The following ABCC1 variants were observed in gnomAD, a reference collection of about 807,000 sequenced individuals.
ABCC1 encodes the protein multidrug resistance-associated protein 1.
A neutral mutation model predicts 172.9 loss-of-function variants in ABCC1; 83 were observed. The observed-to-expected ratio is 0.48, with a 90% CI of 0.40 to 0.58. The LOEUF (loss-of-function observed/expected upper bound fraction) is 0.58, where lower values mean the gene tolerates loss of function less well. ABCC1 is among the 20% of genes least tolerant of loss of function. ABCC1 has a pLI of 0.00. For missense variants in ABCC1, 1,817 were observed against 2,002.7 expected, an observed-to-expected ratio of 0.91 and a Z score of 1.77; for synonymous variants, 937 against 825.2, an observed-to-expected ratio of 1.14 and a Z score of -2.32.
At position 16,068,156 on chromosome 16, in the gene ABCC1, G is replaced by A; in HGVS notation, c.1678G>A (p.Val560Met). 1.2e-6 allele frequency: 2 copies of A among 1,614,050 alleles called. No individual in the cohort carries two copies. Among genetic ancestry groups the A allele is most frequent in the Non-Finnish European group, 1.7e-6 (2 of 1,180,020 alleles). The change falls in exon 13 of 31, where the codon GTG becomes ATG. Residue 560 changes from valine (V) to methionine (M), a missense_variant and splice_region_variant. This residue lies in a region of ABCC1 where 1,412 missense variants were observed against 1,600.3 expected (regional missense o/e 0.88). Transcript: ENST00000399410. Reference protein sequence around the residue: ...TFTWVCTPFLVALCTFAVYVT... With the variant: ...TFTWVCTPFLMALCTFAVYVT... ...TCAGCACTGGGCGTTCTGCTTGCAG[G>A]TGGCCTTGTGCACATTTGCCGTCTA...
At position 16,056,309 on chromosome 16, in the gene ABCC1, C is replaced by G; in HGVS notation, c.1677+14C>G. 1 of 1,613,908 alleles carries G rather than the reference C, an allele frequency of 6.2e-7. No homozygotes were observed. The highest frequency in any genetic ancestry group is 8.5e-7 in the Non-Finnish European group (1 of 1,179,834). On this transcript the variant is annotated intron_variant, in intron 12 of 30. Transcript: ENST00000399410. ...ACGCCCTTTCTGGTGAGTGAAGCCA[C>G]ATTTTTCCTGGCCCTCATTGTTTGA...
chr16:16,055,411 G>C (rs867140963), intron 11 of ABCC1, among the ~76,000 whole-genome samples: 5 of 151,984 alleles, frequency 3.3e-5, no homozygotes, highest in African/African-American at 4.8e-5. Flanking sequence ...TTAGCCAGGC[G>C]TGGTGGCAGG....
intron 21 of ABCC1, among the ~76,000 whole-genome samples, chr16:16,107,480 G>A (rs370816158): frequency 6.6e-6 from 1 of 152,082 alleles, no homozygotes; most frequent in East Asian, 1.9e-4. Flanking sequence ...AGTAGAGACA[G>A]GGTTTCACCA....
rs1489685428 is a variant in ABCC1, at chr16:16,056,080, G to A, written c.1474-12G>A. 11 of 1,613,158 alleles carry A rather than the reference G, an allele frequency of 6.8e-6. No individual in the cohort carries two copies. In the East Asian group the frequency reaches 1.8e-4, roughly 26 times the overall value. ...GTCGCCCCAGATGTGTTGACTGCCC[G>A]TCTCTTCCAAGGTGGCCCACATGAA... is the stretch of plus-strand genomic sequence containing the variant. On this transcript the variant is annotated splice_polypyrimidine_tract_variant and intron_variant, in intron 11 of 30. Transcript: ENST00000399410.
rs60782127 is a variant in ABCC1 at position 16,048,222 on chromosome 16, G to T, written c.1299G>T (p.Arg433Ser). Residue 433 changes from arginine (R) to serine (S), a missense_variant, in exon 10 of 31, where the codon AGG becomes AGT. Physicochemically the swap from Arg to Ser is moderately radical, Grantham distance 110 (BLOSUM62 -1). Around this residue, in one of 3 missense-constraint regions of ABCC1, gnomAD observed 1,412 missense variants for 1,600.3 expected, o/e 0.88. Coordinates refer to ENST00000399410, the MANE Select transcript of ABCC1 (RefSeq NM_004996.4). ...ACCTCATGTCTGTGGACGCTCAGAG[G>T]TTCATGGACTTGGCCACGTACATTA... ...IVNLMSVDAQRFMDLATYINM... is the reference protein window; with the variant it reads ...IVNLMSVDAQSFMDLATYINM... 0.011 allele frequency: 18,268 copies of T among 1,614,196 alleles called. 139 individuals are homozygous for T. Among genetic ancestry groups the T allele is most frequent in the Non-Finnish European group, 0.013 (15,922 of 1,180,036 alleles).
chr16:16,060,387 C>T (rs549170058), intron 12 of ABCC1, among the ~76,000 whole-genome samples: 59 of 152,284 alleles, frequency 3.9e-4, no homozygotes, highest in Middle Eastern at 3.4e-3. Flanking sequence ...CAAGAAATGA[C>T]ATCTTGTTGC....
In ABCC1 at chr16:16,016,553, C is replaced by A; in HGVS notation, c.547C>A (p.Leu183Ile). 1 of 1,614,138 alleles carries A rather than the reference C, an allele frequency of 6.2e-7. No individual in the cohort carries two copies. The highest frequency in any genetic ancestry group is 8.5e-7 in the Non-Finnish European group (1 of 1,180,014). Residue 183 changes from leucine to isoleucine, a missense_variant, in exon 5 of 31, where the codon CTC (leucine) becomes ATC (isoleucine). By Grantham distance (5) the Leu-to-Ile change is conservative (BLOSUM62 2). This residue lies in a region of ABCC1 where 398 missense variants were observed against 384.2 expected (regional missense o/e 1.04). Coordinates refer to ENST00000399410, the MANE Select transcript of ABCC1 (RefSeq NM_004996.4). Reference sequence around the variant, plus strand: ...TTTCTACGTCTACTTTTCCCTCTTACTCATTCAGCTCGTCTTGTCCTGTTT... The same window carrying A: ...TTTCTACGTCTACTTTTCCCTCTTAATCATTCAGCTCGTCTTGTCCTGTTT... ...ITFYVYFSLL[L>I]IQLVLSCFSD...
intron 7 of ABCC1, among the ~76,000 whole-genome samples, chr16:16,039,266 C>CTTTTTTTTTT (rs1202497870): frequency 1.1e-5 from 1 of 87,770 alleles, no homozygotes; most frequent in East Asian, 3.4e-4. Flanking sequence ...TGTGTGTTTT[C>CTTTTTTTTTT]TTTTTTTTTT....
chr16:16,105,878 C>T (rs1241190373), intron 20 of ABCC1, among the ~76,000 whole-genome samples: 4 of 126,444 alleles, frequency 3.2e-5, no homozygotes, highest in African/African-American at 6.0e-5. Context: ...GCGAAAAGTG[C>T]TTTTTTTTTT....
At chr16:16,078,777 A>G (rs2050690185) in intron 15 of ABCC1, among the ~76,000 whole-genome samples, 2 of 152,144 alleles carry the variant, frequency 1.3e-5, no homozygotes, top group African/African-American at 4.8e-5. Context: ...CTTGGGTTCA[A>G]GTGATTCTTG....
chr16:16,062,786 G>A (rs2049970969), intron 12 of ABCC1, among the ~76,000 whole-genome samples: 1 of 152,186 alleles, frequency 6.6e-6, no homozygotes, highest in South Asian at 2.1e-4. Context: ...TAGGTGTGAT[G>A]GAACACAGAG....
intron 1 of ABCC1, among the ~76,000 whole-genome samples, chr16:15,974,574 G>A (rs543563238): frequency 6.6e-6 from 1 of 152,288 alleles, no homozygotes; most frequent in Non-Finnish European, 1.5e-5. Flanking sequence ...GAGAGACCAG[G>A]CTGTTGATAT....
chr16:16,037,258 A>G (rs375074745), intron 7 of ABCC1, among the ~76,000 whole-genome samples: 1 of 152,106 alleles, frequency 6.6e-6, no homozygotes, highest in African/African-American at 2.4e-5. Context: ...GTTCTGTCCA[A>G]CATGCCCAGC....
chr16:16,120,039 T>C (rs1370549487), intron 23 of ABCC1, among the ~76,000 whole-genome samples: 1 of 152,068 alleles, frequency 6.6e-6, no homozygotes, highest in Non-Finnish European at 1.5e-5. Flanking sequence ...TTCACTTACA[T>C]AGCTTCTGGG....
chr16:16,038,830 C>T (rs1243898800), intron 7 of ABCC1, among the ~76,000 whole-genome samples: 1 of 152,158 alleles, frequency 6.6e-6, no homozygotes, highest in Non-Finnish European at 1.5e-5. Flanking sequence ...TCGGCTTCCT[C>T]TCATGGAAGA....
At chr16:16,068,397 C>T (rs2050196431) in intron 13 of ABCC1, 95 bp downstream of exon 13, 2 of 1,445,292 alleles carry the variant, frequency 1.4e-6, no homozygotes, top group Admixed American at 1.8e-5. Flanking sequence ...CTCTAGATCA[C>T]ACTCCCGGTC....
chr16:16,007,940 C>A lies in ABCC1; in HGVS notation c.173C>A (p.Ser58Tyr), dbSNP rs1359256046. Residue 58 changes from serine (S) to tyrosine (Y), a missense_variant, in exon 2 of 31, where the codon TCC becomes TAC. By Grantham distance (144) the Ser-to-Tyr change is moderately radical. Transcript: ENST00000399410. ...ACFPFYFLYL[S>Y]RHDRGYIQMT... Reference sequence around the variant, plus strand: ...TTCCCCTTCTACTTCCTCTATCTCTCCCGACATGACCGAGGCTACATTCAG... The same window carrying A: ...TTCCCCTTCTACTTCCTCTATCTCTACCGACATGACCGAGGCTACATTCAG... 1 of 1,610,228 alleles carries A rather than the reference C, an allele frequency of 6.2e-7. No homozygotes were observed. Among genetic ancestry groups the A allele is most frequent in the African/African-American group, 1.3e-5 (1 of 74,322 alleles).
At chr16:16,038,566 G>A (rs1461027000) in intron 7 of ABCC1, among the ~76,000 whole-genome samples, 1 of 152,128 alleles carries the variant, frequency 6.6e-6, no homozygotes, top group South Asian at 2.1e-4. Flanking sequence ...CATGGGGCGA[G>A]GATGGATCTT....
chr16:16,048,124 C>T lies in ABCC1; in HGVS notation c.1219-18C>T. 6.2e-7 allele frequency: 1 copy of T among 1,613,796 alleles called. No individual in the cohort carries two copies. The highest frequency in any genetic ancestry group is 8.5e-7 in the Non-Finnish European group (1 of 1,179,866). ...CAGCTGCCACACTCACCCACCTTCC[C>T]TCTCCTTTGTCCCACAGGCCCTGGT... On this transcript the variant is annotated intron_variant, in intron 9 of 30. Transcript: ENST00000399410.
Sources: allele counts gnomAD v4.1 joint callset (sites outside exome capture counted in the v4.1 genomes callset), GRCh38; gene constraint gnomAD v4.1.1; regional missense constraint gnomAD v4.1.1; transcripts MANE v1.5; gene names NCBI Gene and HGNC (gene_info 2026-07-23, HGNC 2026-07-21).